Variants in INTS4 observed in about 807,000 individuals in gnomAD.
INTS4 encodes the protein integrator complex subunit 4, also known as MSTP093.
A neutral mutation model predicts 119.5 loss-of-function variants in INTS4; 70 were observed. The observed-to-expected ratio is 0.59, with a 90% CI of 0.48 to 0.71. The LOEUF is 0.71. Ranked by LOEUF, INTS4 falls within the 30% of genes least tolerant of loss-of-function variation. The pLI is 0.00. For missense variants in INTS4, 867 were observed against 1,173.2 expected (o/e 0.74, Z 3.81); for synonymous variants, 316 against 419.6 (o/e 0.75, Z 3.02).
Position 77,994,471 on chromosome 11 carries a change from TCAA to T in INTS4, c.54+116_54+118del, listed in dbSNP as rs1856819878. 9.8e-5 allele frequency: 76 copies of T among 775,544 alleles called. 4 individuals carry two copies. In the Middle Eastern group the frequency reaches 0.015, roughly 157 times the overall value. 48.0% of individuals were successfully genotyped at this position (775,544 alleles called of 1,614,324 possible). On this transcript the variant is annotated intron_variant, in intron 1 of 22. Transcript: ENST00000534064. ...CACTAACTTGCAATATCAGAGATTA[TCAA>T]CAAGTCAGCACTTAACACGGGCGTA...
chr11:77,884,339 T>C (rs535780703), intron 21 of INTS4, among the ~76,000 whole-genome samples: 26 of 152,348 alleles, frequency 1.7e-4, no homozygotes, highest in African/African-American at 6.0e-4. Context: ...GGAGTTATTT[T>C]GTAATTGCAT....
Position 77,901,534 on chromosome 11 carries a change from G to A in INTS4, c.2115C>T (p.Tyr705=). Residue 705 remains tyrosine (Y), a synonymous_variant, in exon 18 of 23, where the codon TAC becomes TAT. Coordinates refer to ENST00000534064, the MANE Select transcript of INTS4 (RefSeq NM_033547.4). ...CACCACTGTACATGAATTCCATTTT[G>A]TAGGTCTCTTCCATAATCTATAAAG... ...AAAKQIMEET[Y]KMEFMYSGVE... The A allele has an allele frequency of 6.2e-7, 1 of 1,607,824 alleles. No individual in the cohort carries two copies. Among genetic ancestry groups the A allele is most frequent in the Non-Finnish European group, 8.5e-7 (1 of 1,174,306 alleles).
chr11:77,960,947 A>G lies in INTS4; in HGVS notation c.657+6T>C. 6.3e-7 allele frequency: 1 copy of G among 1,593,092 alleles called. No homozygotes were observed. Among genetic ancestry groups the G allele is most frequent in the Non-Finnish European group, 8.5e-7 (1 of 1,170,858 alleles). On this transcript the variant is annotated splice_donor_region_variant and intron_variant, in intron 5 of 22. Coordinates refer to ENST00000534064, the MANE Select transcript of INTS4 (RefSeq NM_033547.4). ...AGCCCCAACTAGTTTCCATAATCAC[A>G]TTTACCATGGCTTTTATAGCTGCTG...
At position 77,907,826 on chromosome 11, in the gene INTS4, C is replaced by A. The variant is rs147404221; in HGVS notation, c.1923-16G>T. 1 of 1,540,946 alleles carries A rather than the reference C, an allele frequency of 6.5e-7. No homozygotes were observed. Among genetic ancestry groups the A allele is most frequent in the Admixed American group, 1.7e-5 (1 of 58,848 alleles). ...TTGCAGATCCCTATAGTAAATAAAACCCCCAAGGCAAACACAGGATAAGGA... is the reference window on the plus strand; with the variant it reads ...TTGCAGATCCCTATAGTAAATAAAAACCCCAAGGCAAACACAGGATAAGGA... On this transcript the variant is annotated splice_polypyrimidine_tract_variant and intron_variant, in intron 15 of 22. Coordinates refer to ENST00000534064, the MANE Select transcript of INTS4 (RefSeq NM_033547.4).
Position 77,938,818 on chromosome 11 carries a change from C to T in INTS4, c.998G>A (p.Arg333His), listed in dbSNP as rs759915571. ...TTCCTTGGCACGCTCATGTGCAGTA[C>T]GTTTCCTCTGCAGAGGACAACAACA... ...KKLMSDLRRK[R>H]TAHERAKELY... Residue 333 changes from arginine (R) to histidine (H), a missense_variant, in exon 10 of 23, where the codon CGT (arginine) becomes CAT (histidine). By Grantham distance (29) the Arg-to-His change is conservative. Transcript: ENST00000534064. 4 of 1,610,914 alleles carry T rather than the reference C, an allele frequency of 2.5e-6. No homozygotes were observed. In the East Asian group the frequency reaches 6.7e-5, roughly 27 times the overall value.
chr11:77,940,637 T>G (rs1289708833), intron 9 of INTS4, among the ~76,000 whole-genome samples: 2 of 152,100 alleles, frequency 1.3e-5, no homozygotes, highest in African/African-American at 4.8e-5. Context: ...GGTTGTTGTT[T>G]TTTGGGTTTT....
chr11:77,907,850 G>C (rs1270717431), intron 15 of INTS4, 40 bp from the exon 16 acceptor site: 7 of 1,251,226 alleles, frequency 5.6e-6, no homozygotes, highest in African/African-American at 3.0e-5. Context: ...ACAGGATAAG[G>C]ATAATGCCAC....
chr11:77,902,086 G>C (rs552052241), intron 17 of INTS4, among the ~76,000 whole-genome samples: 1 of 152,160 alleles, frequency 6.6e-6, no homozygotes, highest in African/African-American at 2.4e-5. Context: ...CCAAATAAGC[G>C]ATTTTCATCA....
rs537750120 is a variant in INTS4 at position 77,926,809 on chromosome 11, C to A, written c.1371+1533G>T. On this transcript the variant is annotated intron_variant, in intron 11 of 22. Coordinates refer to ENST00000534064, the MANE Select transcript of INTS4 (RefSeq NM_033547.4). ...CCTGGGGAACAGAGCGAGACTCAGCCTCAAAAAAAAAAAAAAAGGAAAGGA... is the reference window on the plus strand; with the variant it reads ...CCTGGGGAACAGAGCGAGACTCAGCATCAAAAAAAAAAAAAAAGGAAAGGA... Among the ~76,000 whole-genome samples, 247 of 68,028 alleles carry A rather than the reference C, an allele frequency of 3.6e-3. 2 individuals carry two copies. The highest frequency in any genetic ancestry group is 0.016 in the African/African-American group (218 of 13,392). 44.6% of individuals were successfully genotyped at this position (68,028 alleles called of 152,430 possible).
At chr11:77,960,814 G>A (rs1297536110) in intron 5 of INTS4, 139 bp downstream of exon 5, 1 of 703,814 alleles carries the variant, frequency 1.4e-6, no homozygotes, top group Non-Finnish European at 2.3e-6. Flanking sequence ...GTGTGTCACT[G>A]AGTTCTGCGA....
chr11:77,931,131 T>C (rs1370222531), intron 10 of INTS4, among the ~76,000 whole-genome samples: 1 of 152,164 alleles, frequency 6.6e-6, no homozygotes, highest in East Asian at 1.9e-4. Flanking sequence ...GCTCAATCAA[T>C]GGGATCAGAG....
downstream of INTS4, among the ~76,000 whole-genome samples, chr11:77,875,752 A>G (rs1021358686): frequency 2.6e-5 from 4 of 152,236 alleles, no homozygotes; most frequent in African/African-American, 9.6e-5. Context: ...AGAGACACAG[A>G]TATGTCCTAG....
In INTS4 at chr11:77,961,153, A is replaced by G. The variant is rs1247578248; in HGVS notation, c.472-15T>C. ...TCTGTCAGATGCTATTAAAAAAAAA[A>G]AAAAAAAGAAAAAAAGAAAAAGAAA... On this transcript the variant is annotated splice_polypyrimidine_tract_variant and intron_variant, in intron 4 of 22. Coordinates refer to ENST00000534064, the MANE Select transcript of INTS4 (RefSeq NM_033547.4). 6 of 1,544,004 alleles carry G rather than the reference A, an allele frequency of 3.9e-6. No homozygotes were observed. Among genetic ancestry groups the G allele is most frequent in the East Asian group, 4.5e-5 (2 of 44,096 alleles).
chr11:77,904,477 T>A (rs1182154368), intron 16 of INTS4, among the ~76,000 whole-genome samples: 2 of 152,222 alleles, frequency 1.3e-5, no homozygotes, highest in African/African-American at 4.8e-5. Context: ...AATTATTAAT[T>A]AGTTTACATT....
chr11:77,905,565 G>A (rs1158333933), intron 16 of INTS4, among the ~76,000 whole-genome samples: 1 of 152,120 alleles, frequency 6.6e-6, no homozygotes, highest in Non-Finnish European at 1.5e-5. Context: ...CTGACTTTGT[G>A]TATAAGCATT....
Position 77,991,557 on chromosome 11 carries a change from CT to C in INTS4, c.55-259del, listed in dbSNP as rs368378022. 1.0e-3 allele frequency among the ~76,000 whole-genome samples: 148 copies of C among 148,136 alleles called. 2 individuals carry two copies. The highest frequency in any genetic ancestry group is 2.8e-3 in the African/African-American group (115 of 40,518). On this transcript the variant is annotated intron_variant, in intron 1 of 22. Coordinates refer to ENST00000534064, the MANE Select transcript of INTS4 (RefSeq NM_033547.4). ...TTTATGTCTCTGTAAAATAGGTATACTTTTTTTTTTTCTTAGAGATGGAGTC... is the reference window on the plus strand; with the variant it reads ...TTTATGTCTCTGTAAAATAGGTATACTTTTTTTTTTCTTAGAGATGGAGTC...
At chr11:77,928,318 G>T (rs1591067403) in intron 11 of INTS4, 24 bp downstream of exon 11, 1 of 1,611,212 alleles carries the variant, frequency 6.2e-7, no homozygotes, top group East Asian at 2.2e-5. Flanking sequence ...ATGAAGAAAT[G>T]AGTAACAAAT....
intron 16 of INTS4, among the ~76,000 whole-genome samples, 156 bp from the exon 17 acceptor site, chr11:77,903,776 G>C (rs1180184795): frequency 6.6e-6 from 1 of 152,120 alleles, no homozygotes; most frequent in African/African-American, 2.4e-5. Context: ...ATCTATTATG[G>C]AGAAAGATGA....
At chr11:77,967,613 G>A (rs961342276) in intron 4 of INTS4, among the ~76,000 whole-genome samples, 3 of 151,986 alleles carry the variant, frequency 2.0e-5, no homozygotes, top group Admixed American at 1.3e-4. Flanking sequence ...AGTATCAAAC[G>A]CAACATCATG....
Sources: gnomAD v4.1 joint callset for allele counts (sites outside exome capture counted in the v4.1 genomes callset) on GRCh38, gnomAD v4.1.1 for gene constraint, MANE v1.5 for transcripts, NCBI Gene and HGNC (gene_info 2026-07-23, HGNC 2026-07-21) for gene names.